Variants in MFAP3L observed in about 807,000 individuals in gnomAD.
MFAP3L encodes the protein microfibrillar-associated protein 3-like.
MFAP3L carries 5 observed loss-of-function variants against 20.0 expected under a neutral mutation model. The ratio of observed to expected loss-of-function variants is 0.25; its 90% CI spans 0.13 to 0.53. MFAP3L has a LOEUF of 0.53. MFAP3L is among the 20% of genes least tolerant of loss of function. The pLI is 0.96. For synonymous variants in MFAP3L, 219 were observed against 213.0 expected (o/e 1.03, Z -0.25); for missense variants, 409 against 527.5 (o/e 0.78, Z 2.20).
chr4:169,999,560 T>C (rs1347163693), intron 2 of MFAP3L, among the ~76,000 whole-genome samples: 2 of 152,118 alleles, frequency 1.3e-5, no homozygotes, highest in African/African-American at 4.8e-5. Context: ...TCCTCCAAAA[T>C]AACAGCACCC....
rs999207456 is a variant in MFAP3L, at chr4:169,987,441, T to C, written c.*3937A>G. 1 of 152,120 alleles carries C rather than the reference T, an allele frequency of 6.6e-6. No homozygotes were observed. The allele number at this position is 152,120 out of a possible 1,614,324, so 9.4% of individuals were successfully genotyped here. ...TGAACAATGCTGAGAAAACAGAGTA[T>C]CTGAAATGTAAGGTAAATGTTCTGT... On this transcript the variant is annotated 3_prime_UTR_variant, in exon 3 of 3. Coordinates refer to ENST00000361618, the MANE Select transcript of MFAP3L (RefSeq NM_021647.8).
At chr4:169,993,089 C>A (rs1737853330) in intron 2 of MFAP3L, among the ~76,000 whole-genome samples, 2 of 152,102 alleles carry the variant, frequency 1.3e-5, no homozygotes, top group Non-Finnish European at 2.9e-5. Flanking sequence ...TTTTCTTACC[C>A]CCACCACCCT....
intron 1 of MFAP3L, among the ~76,000 whole-genome samples, chr4:170,018,788 A>T (rs1739853489): frequency 6.6e-6 from 1 of 152,188 alleles, no homozygotes; most frequent in Non-Finnish European, 1.5e-5. Context: ...ACAAAACGAC[A>T]ACAACAACAA....
chr4:170,014,919 G>A (rs559028532), intron 1 of MFAP3L, among the ~76,000 whole-genome samples: 1 of 152,198 alleles, frequency 6.6e-6, no homozygotes, highest in African/African-American at 2.4e-5. Flanking sequence ...CGATGAGCCT[G>A]AAGGATAGTA....
intron 1 of MFAP3L, among the ~76,000 whole-genome samples, chr4:170,009,600 C>A (rs1344477307): frequency 6.6e-6 from 1 of 152,080 alleles, no homozygotes; most frequent in Non-Finnish European, 1.5e-5. Context: ...ACAAAAGCTA[C>A]AATGGACAAG....
chr4:169,999,102 A>G (rs541093438), intron 2 of MFAP3L, among the ~76,000 whole-genome samples: 33 of 152,364 alleles, frequency 2.2e-4, no homozygotes, highest in African/African-American at 7.7e-4. Flanking sequence ...GCATCTGCAG[A>G]AGATGAGAGC....
In MFAP3L at chr4:170,011,665, C is replaced by T. The variant is rs114220764; in HGVS notation, c.-133-5655G>A. 4.7e-3 allele frequency among the ~76,000 whole-genome samples: 713 copies of T among 152,126 alleles called. 8 individuals carry two copies. The highest frequency in any genetic ancestry group is 0.016 in the African/African-American group (678 of 41,478). On this transcript the variant is annotated intron_variant, in intron 1 of 2. Coordinates refer to ENST00000361618, the MANE Select transcript of MFAP3L (RefSeq NM_021647.8). Reference sequence around the variant, plus strand: ...AGGCCTTCCCCCTCTTGTCAGAATCCGGAAGGGGACACAGGACTCTCCCCT... The same window carrying T: ...AGGCCTTCCCCCTCTTGTCAGAATCTGGAAGGGGACACAGGACTCTCCCCT...
At chr4:170,006,108 C>A in intron 1 of MFAP3L, 98 bp from the exon 2 acceptor site, 2 of 925,938 alleles carry the variant, frequency 2.2e-6, no homozygotes, top group Admixed American at 3.6e-5. Context: ...ATACAAACAT[C>A]AACATACTTT....
rs1422219471 is a variant in MFAP3L at position 170,005,933 on chromosome 4, A to G, written c.-56T>C. ...AGATGGTTTGCCAACCGAATCTTCT[A>G]TCAGACAACACACTGTTCACAGCAG... On this transcript the variant is annotated 5_prime_UTR_variant, in exon 2 of 3. Coordinates refer to ENST00000361618, the MANE Select transcript of MFAP3L (RefSeq NM_021647.8). 2 of 1,563,762 alleles carry G rather than the reference A, an allele frequency of 1.3e-6. No individual in the cohort carries two copies. Among genetic ancestry groups the G allele is most frequent in the Non-Finnish European group, 1.7e-6 (2 of 1,153,336 alleles).
Position 169,988,074 on chromosome 4 carries a change from A to C in MFAP3L, c.*3304T>G, listed in dbSNP as rs949434818. 1 of 152,190 alleles carries C rather than the reference A, an allele frequency of 6.6e-6. No individual in the cohort carries two copies. Among genetic ancestry groups the C allele is most frequent in the African/African-American group, 2.4e-5 (1 of 41,452 alleles). The allele number at this position is 152,190 out of a possible 1,614,324, so 9.4% of individuals were successfully genotyped here. ...TCTGGACATAATGACACAGCACAAT[A>C]ATGCTTGGGATGGATGAGACATTCA... On this transcript the variant is annotated 3_prime_UTR_variant, in exon 3 of 3. Transcript: ENST00000361618.
chr4:170,014,604 T>C (rs1158643274), intron 1 of MFAP3L, among the ~76,000 whole-genome samples: 2 of 152,206 alleles, frequency 1.3e-5, no homozygotes, highest in Non-Finnish European at 1.5e-5. Context: ...CAGAGCACAT[T>C]GTCTATAAAT....
intron 2 of MFAP3L, chr4:169,994,305 C>G: frequency 2.0e-6 from 2 of 985,316 alleles, no homozygotes; most frequent in Non-Finnish European, 2.4e-6. Flanking sequence ...CCTCCCCATC[C>G]GTACCACTTT....
chr4:170,019,472 A>C (rs1739894982), intron 1 of MFAP3L, among the ~76,000 whole-genome samples: 1 of 152,198 alleles, frequency 6.6e-6, no homozygotes, highest in African/African-American at 2.4e-5. Flanking sequence ...TGAGCCCAGG[A>C]GTTTGAGGCT....
chr4:169,994,298 C>A (rs546740821), intron 2 of MFAP3L: 1 of 985,336 alleles, frequency 1.0e-6, no homozygotes, highest in Non-Finnish European at 1.2e-6. Flanking sequence ...TTTACCTCCT[C>A]CCCATCCGTA....
At chr4:170,003,656 A>G in intron 2 of MFAP3L, 1 of 984,946 alleles carries the variant, frequency 1.0e-6, no homozygotes, top group Non-Finnish European at 1.2e-6. Context: ...CAGCTTTTTA[A>G]TACCCAGGGA....
rs773840584 is a variant in MFAP3L at position 170,005,605 on chromosome 4, T to C, written c.273A>G (p.Glu91=). 4.3e-6 allele frequency: 7 copies of C among 1,614,000 alleles called. No homozygotes were observed. In the African/African-American group the frequency reaches 5.3e-5, roughly 12 times the overall value. Reference sequence around the variant, plus strand: ...CTCCTCCTCTCTCCTTCTCATCCTCTTCTTCTTTCAGCAGCTTGCCAATGG... The same window carrying C: ...CTCCTCCTCTCTCCTTCTCATCCTCCTCTTCTTTCAGCAGCTTGCCAATGG... ...YNSIGKLLKE[E]EDEKERGGGK... The change falls in exon 2 of 3, where the codon GAA becomes GAG. Residue 91 remains glutamate, a synonymous_variant. Transcript: ENST00000361618.
At chr4:170,026,644 C>T (rs1409898751), upstream of MFAP3L, among the ~76,000 whole-genome samples, 2 of 150,990 alleles carry the variant, frequency 1.3e-5, no homozygotes, top group Non-Finnish European at 3.0e-5. Flanking sequence ...GCCTCTGGGC[C>T]GGGCCTCGGC....
At chr4:170,001,664 T>C (rs1225793344) in intron 2 of MFAP3L, among the ~76,000 whole-genome samples, 1 of 152,218 alleles carries the variant, frequency 6.6e-6, no homozygotes, top group African/African-American at 2.4e-5. Flanking sequence ...TCCTGGCTAC[T>C]ATACATTTCT....
intron 2 of MFAP3L, among the ~76,000 whole-genome samples, chr4:170,002,683 T>C (rs1738735166): frequency 6.6e-6 from 1 of 152,014 alleles, no homozygotes. Flanking sequence ...CTAATTTTTG[T>C]ATTTTTAGCA....
Sources: gnomAD v4.1 joint callset for allele counts (sites outside exome capture counted in the v4.1 genomes callset) on GRCh38, gnomAD v4.1.1 for gene constraint, MANE v1.5 for transcripts, NCBI Gene and HGNC (gene_info 2026-07-23, HGNC 2026-07-21) for gene names.